The following CLASP1 variants were observed in gnomAD, a reference collection of about 807,000 sequenced individuals.
The protein encoded by CLASP1 is cytoplasmic linker associated protein 1.
CLASP1 carries 38 observed loss-of-function variants against 192.3 expected under a neutral mutation model. That is an observed-to-expected ratio of 0.20 (90% CI 0.15 to 0.26). The LOEUF is 0.26. CLASP1 is among the 10% of genes least tolerant of loss of function. The probability of loss-of-function intolerance (pLI) is 1.00; values close to 1 mark genes in which losing one functional copy is unlikely to be tolerated. For synonymous variants in CLASP1, 691 were observed against 712.8 expected, an observed-to-expected ratio of 0.97 and a Z score of 0.49; for missense variants, 1,433 against 1,932.5, an observed-to-expected ratio of 0.74 and a Z score of 4.85.
At chr2:121,521,739 A>G (rs868125891) in intron 6 of CLASP1, among the ~76,000 whole-genome samples, 1 of 152,216 alleles carries the variant, frequency 6.6e-6, no homozygotes, top group Admixed American at 6.5e-5. Flanking sequence ...CGCTGCCTGA[A>G]GAGCTGAGAG....
intron 1 of CLASP1, among the ~76,000 whole-genome samples, chr2:121,648,033 T>G (rs556915333): frequency 6.6e-6 from 1 of 152,334 alleles, no homozygotes; most frequent in East Asian, 1.9e-4. Flanking sequence ...TTAAATTTCT[T>G]AACAAATGTA....
intron 2 of CLASP1, chr2:121,532,460 C>CA (rs1485340515): frequency 6.6e-6 from 1 of 152,192 alleles, no homozygotes; most frequent in African/African-American, 2.4e-5. Context: ...AGGTCAACAT[C>CA]AAGTACACGT....
intron 4 of CLASP1, among the ~76,000 whole-genome samples, chr2:121,528,303 G>A (rs535436552): frequency 4.6e-5 from 7 of 152,274 alleles, no homozygotes; most frequent in South Asian, 4.1e-4. Context: ...CATCCCAGCA[G>A]CCCCAATTCA....
In CLASP1 at chr2:121,367,843, C is replaced by T; in HGVS notation, c.3643-12G>A. On this transcript the variant is annotated splice_polypyrimidine_tract_variant and intron_variant, in intron 34 of 39. Coordinates refer to ENST00000263710, the Ensembl canonical transcript of CLASP1. Reference sequence around the variant, plus strand: ...CCATCGCGGGACACCTGCAGCACAGCACACTGTCAGTTCCCTTCTGGGACT... The same window carrying T: ...CCATCGCGGGACACCTGCAGCACAGTACACTGTCAGTTCCCTTCTGGGACT... 3 of 1,611,710 alleles carry T rather than the reference C, an allele frequency of 1.9e-6. No individual in the cohort carries two copies. Among genetic ancestry groups the T allele is most frequent in the Non-Finnish European group, 1.7e-6 (2 of 1,179,438 alleles).
intron 37 of CLASP1, among the ~76,000 whole-genome samples, chr2:121,350,667 AGT>A: frequency 6.6e-6 from 1 of 152,318 alleles, no homozygotes; most frequent in East Asian, 1.9e-4. Context: ...TAGACAGCTG[AGT>A]TCATCTCATT....
chr2:121,458,794 G>T (rs768106361), intron 13 of CLASP1, 46 bp downstream of exon 13: 45 of 1,444,362 alleles, frequency 3.1e-5, no homozygotes, highest in Non-Finnish European at 3.9e-5. Context: ...TCAACCATCA[G>T]TATTTACCAC....
At chr2:121,382,402 CTAAG>C (rs1402868267) in intron 32 of CLASP1, 78 bp from the exon 34 acceptor site, 2 of 826,544 alleles carry the variant, frequency 2.4e-6, no homozygotes, top group African/African-American at 3.5e-5. Flanking sequence ...GCACTACACA[CTAAG>C]TGTCTTAGTC....
intron 1 of CLASP1, among the ~76,000 whole-genome samples, chr2:121,614,131 G>A (rs1023539903): frequency 6.6e-6 from 1 of 152,210 alleles, no homozygotes; most frequent in Non-Finnish European, 1.5e-5. Flanking sequence ...TGAGACCTGG[G>A]ATCCACAGTT....
At chr2:121,469,699 A>G (rs926700783) in intron 9 of CLASP1, 109 bp downstream of exon 9, 5 of 1,028,440 alleles carry the variant, frequency 4.9e-6, no homozygotes, top group Non-Finnish European at 6.8e-6. Flanking sequence ...AACCTGCTGC[A>G]TATGGGGACT....
rs561944464 is a variant in CLASP1 at position 121,556,111 on chromosome 2, G to A, written c.196-25786C>T. 4.2e-5 allele frequency among the ~76,000 whole-genome samples: 6 copies of A among 142,778 alleles called. No individual in the cohort carries two copies. The South Asian group carries it at 1.3e-3, about 32-fold the overall frequency. 93.7% of individuals were successfully genotyped at this position (142,778 alleles called of 152,430 possible). A position where few individuals can be genotyped will look rare whatever the true frequency, so the allele number is the denominator to read the frequency against. ...CAAATTCTCGGCCTCAGCCTTCCAA[G>A]TAGCTGGAATTACAGGCACACACCA... On this transcript the variant is annotated intron_variant, in intron 2 of 39. Coordinates refer to ENST00000263710, the Ensembl canonical transcript of CLASP1.
At chr2:121,522,273 T>C (rs921636357) in intron 6 of CLASP1, among the ~76,000 whole-genome samples, 1 of 152,124 alleles carries the variant, frequency 6.6e-6, no homozygotes, top group South Asian at 2.1e-4. Flanking sequence ...AAGCTGCCCG[T>C]AGAGTACCAA....
At chr2:121,634,966 A>T (rs993611611) in intron 1 of CLASP1, among the ~76,000 whole-genome samples, 1 of 152,224 alleles carries the variant, frequency 6.6e-6, no homozygotes, top group East Asian at 1.9e-4. Flanking sequence ...AGCAAAAGAT[A>T]GTTTGCATCC....
chr2:121,365,195 G>A, exon 36 of CLASP1: 3 of 1,613,850 alleles, frequency 1.9e-6, no homozygotes, highest in African/African-American at 1.3e-5. Context: ...AGCAGCTCCA[G>A]CAGGGCTCCC....
chr2:121,524,218 G>C (rs1004475921), intron 6 of CLASP1, among the ~76,000 whole-genome samples: 1 of 152,136 alleles, frequency 6.6e-6, no homozygotes, highest in Non-Finnish European at 1.5e-5. Context: ...TGCTCTGCTA[G>C]AGCACTCCAT....
chr2:121,421,005 T>A (rs886065646), intron 22 of CLASP1, among the ~76,000 whole-genome samples: 1 of 152,242 alleles, frequency 6.6e-6, no homozygotes, highest in African/African-American at 2.4e-5. Flanking sequence ...CGAGCTGATT[T>A]TCTCATTTAA....
At chr2:121,589,437 C>G (rs2062106517) in intron 2 of CLASP1, among the ~76,000 whole-genome samples, 1 of 152,108 alleles carries the variant, frequency 6.6e-6, no homozygotes, top group South Asian at 2.1e-4. Context: ...TGAGATCCGC[C>G]TGGCCAACAT....
intron 37 of CLASP1, among the ~76,000 whole-genome samples, chr2:121,361,017 G>A (rs1217279581): frequency 6.6e-6 from 1 of 152,130 alleles, no homozygotes; most frequent in East Asian, 1.9e-4. Flanking sequence ...ATTACTTAAT[G>A]TTGTTAACTT....
rs141016552 is a variant in CLASP1 at position 121,343,882 on chromosome 2, C to T, written c.4531-2935G>A. On this transcript the variant is annotated intron_variant, in intron 39 of 39. Coordinates refer to ENST00000263710, the Ensembl canonical transcript of CLASP1. ...GGTCGAGAGTTCGAGACCAGCCTGACCAACATGGTGAAACCCCATCTCAAC... is the reference window on the plus strand; with the variant it reads ...GGTCGAGAGTTCGAGACCAGCCTGATCAACATGGTGAAACCCCATCTCAAC... 7.4e-4 allele frequency among the ~76,000 whole-genome samples: 112 copies of T among 152,156 alleles called. 2 individuals carry two copies. Among genetic ancestry groups the T allele is most frequent in the African/African-American group, 2.6e-3 (108 of 41,510 alleles).
intron 31 of CLASP1, 31 bp from the exon 33 acceptor site, chr2:121,387,259 C>G (rs1574165538): frequency 1.4e-6 from 2 of 1,410,956 alleles, no homozygotes; most frequent in South Asian, 2.7e-5. Context: ...CATCGTTATT[C>G]AAGGGCTGTA....
Sources: allele counts gnomAD v4.1 joint callset (sites outside exome capture counted in the v4.1 genomes callset), GRCh38; gene constraint gnomAD v4.1.1; transcripts MANE v1.5; gene names NCBI Gene and HGNC (gene_info 2026-07-23, HGNC 2026-07-21).